The following SLC2A5 variants were observed in gnomAD, a reference collection of about 807,000 sequenced individuals.
SLC2A5 encodes solute carrier family 2 member 5, also known as solute carrier family 2, facilitated glucose transporter member 5.
SLC2A5 carries 56 observed loss-of-function variants against 50.3 expected under a neutral mutation model. The ratio of observed to expected loss-of-function variants is 1.11; its 90% CI spans 0.90 to 1.39. The LOEUF is 1.39. Among genes scored for constraint, SLC2A5 ranks in the 40% most tolerant of loss-of-function variants. SLC2A5 has a pLI of 0.00. For synonymous variants in SLC2A5, 269 were observed against 281.9 expected (o/e 0.95, Z 0.46); for missense variants, 566 against 650.1 (o/e 0.87, Z 1.41).
In SLC2A5 at chr1:9,036,419, C is replaced by G. The variant is rs1232210951; in HGVS notation, c.*1167G>C. The G allele has an allele frequency of 6.6e-6, 1 of 152,182 alleles. No homozygotes were observed. Among genetic ancestry groups the G allele is most frequent in the African/African-American group, 2.4e-5 (1 of 41,424 alleles). The allele number at this position is 152,182 out of a possible 1,614,324, so 9.4% of individuals were successfully genotyped here. On this transcript the variant is annotated 3_prime_UTR_variant, in exon 12 of 12. Coordinates refer to ENST00000377424, the MANE Select transcript of SLC2A5 (RefSeq NM_003039.3). Reference sequence around the variant, plus strand: ...GTGCAATTTCAGCTCACTGCAACCTCTACTTCCCAGGCTTAAGCAATCCTC... The same window carrying G: ...GTGCAATTTCAGCTCACTGCAACCTGTACTTCCCAGGCTTAAGCAATCCTC...
Position 9,057,580 on chromosome 1 carries a change from T to C in SLC2A5, c.161A>G (p.Tyr54Cys). The change falls in exon 3 of 12, where the codon TAC (tyrosine) becomes TGC (cysteine). Residue 54 changes from tyrosine (Y) to cysteine (C), a missense_variant. By Grantham distance (194) the Tyr-to-Cys change is radical. Coordinates refer to ENST00000377424, the MANE Select transcript of SLC2A5 (RefSeq NM_003039.3). ...CATGAATTCACCGGTCCTACCATAG[T>C]AAGTCTCATTGTAAAATTGTTGCAT... is the stretch of plus-strand genomic sequence containing the variant. ...LLMQQFYNET[Y>C]YGRTGEFMED... 3 of 1,613,288 alleles carry C rather than the reference T, an allele frequency of 1.9e-6. No individual in the cohort carries two copies. Among genetic ancestry groups the C allele is most frequent in the Non-Finnish European group, 2.5e-6 (3 of 1,179,700 alleles).
intron 2 of SLC2A5, among the ~76,000 whole-genome samples, chr1:9,075,147 C>A (rs1018345650): frequency 2.6e-5 from 4 of 152,110 alleles, no homozygotes; most frequent in African/African-American, 9.7e-5. Context: ...TATAAATCTG[C>A]CTCTCTTCAT....
At chr1:9,043,777 A>G (rs1335896534) in intron 4 of SLC2A5, among the ~76,000 whole-genome samples, 1 of 149,960 alleles carries the variant, frequency 6.7e-6, no homozygotes, top group African/African-American at 2.5e-5. Context: ...GCTGGAGTGC[A>G]GTGGTGCGAT....
chr1:9,072,563 A>C (rs1327033165), upstream of SLC2A5, among the ~76,000 whole-genome samples: 2 of 152,122 alleles, frequency 1.3e-5, no homozygotes, highest in African/African-American at 2.4e-5. Context: ...AGAAGACAGA[A>C]GTAGATACAC....
At chr1:9,046,582 A>G (rs1641438800) in intron 4 of SLC2A5, among the ~76,000 whole-genome samples, 1 of 152,126 alleles carries the variant, frequency 6.6e-6, no homozygotes. Context: ...TGGAATTCAT[A>G]CATTAGATTG....
At chr1:9,079,338 G>C (rs1335329932) in intron 2 of SLC2A5, among the ~76,000 whole-genome samples, 1 of 148,426 alleles carries the variant, frequency 6.7e-6, no homozygotes, top group Non-Finnish European at 1.5e-5. Context: ...TCGCCTATCA[G>C]AGAGTGCACG....
In SLC2A5 at chr1:9,081,913, C is replaced by T. The variant is rs1449451015; in HGVS notation, c.-59+3101G>A. Among the ~76,000 whole-genome samples, 3 of 152,010 alleles carry T rather than the reference C, an allele frequency of 2.0e-5. No homozygotes were observed. The East Asian group carries it at 5.8e-4, about 29-fold the overall frequency. Reference sequence around the variant, plus strand: ...CCTGAACAACATGGCAAAACCCCACCTCTACTAAAAATACAAAAATTAGTC... The same window carrying T: ...CCTGAACAACATGGCAAAACCCCACTTCTACTAAAAATACAAAAATTAGTC... On this transcript the variant is annotated intron_variant, in intron 2 of 5. Coordinates refer to the SLC2A5 transcript ENST00000464985.
chr1:9,078,972 T>G (rs1269618966), intron 2 of SLC2A5, among the ~76,000 whole-genome samples: 3 of 152,172 alleles, frequency 2.0e-5, no homozygotes, highest in Non-Finnish European at 4.4e-5. Context: ...GTATCTCGTC[T>G]GGGGAAGGGA....
At chr1:9,060,593 A>C in intron 1 of SLC2A5, among the ~76,000 whole-genome samples, 1 of 66,962 alleles carries the variant, frequency 1.5e-5, no homozygotes, top group Non-Finnish European at 3.2e-5. Context: ...CCCCACACAC[A>C]TAGGCAGAAA....
the SLC2A5 span, among the ~76,000 whole-genome samples, chr1:9,093,845 AC>A: frequency 6.6e-6 from 1 of 152,098 alleles, no homozygotes; most frequent in African/African-American, 2.4e-5. Flanking sequence ...TGACCTTTTA[AC>A]AGGAAACATA....
chr1:9,043,924 G>A (rs1265439850), intron 4 of SLC2A5, among the ~76,000 whole-genome samples: 1 of 150,728 alleles, frequency 6.6e-6, no homozygotes, highest in Non-Finnish European at 1.5e-5. Flanking sequence ...GTTTCACCAT[G>A]TTGGCAAGGC....
intron 8 of SLC2A5, among the ~76,000 whole-genome samples, 191 bp downstream of exon 8, chr1:9,039,361 G>T (rs922580255): frequency 3.9e-5 from 6 of 152,210 alleles, no homozygotes; most frequent in Non-Finnish European, 8.8e-5. Flanking sequence ...GGTGGCCCCG[G>T]GCCCGGTGCG....
chr1:9,068,664 C>A (rs1642145580), intron 1 of SLC2A5, among the ~76,000 whole-genome samples: 1 of 152,012 alleles, frequency 6.6e-6, no homozygotes, highest in Non-Finnish European at 1.5e-5. Context: ...GTTGGCCAGG[C>A]TGGTCTCGAA....
intron 3 of SLC2A5, among the ~76,000 whole-genome samples, chr1:9,057,011 G>T (rs1315122606): frequency 6.6e-6 from 1 of 152,182 alleles, no homozygotes; most frequent in Non-Finnish European, 1.5e-5. Flanking sequence ...AAAATGACCG[G>T]CCAGGCGCAG....
At position 9,037,161 on chromosome 1, in the gene SLC2A5, C is replaced by G. The variant is rs1292875165; in HGVS notation, c.*425G>C. 2 of 200,850 alleles carry G rather than the reference C, an allele frequency of 1.0e-5. No homozygotes were observed. Among genetic ancestry groups the G allele is most frequent in the East Asian group, 2.5e-4 (2 of 8,052 alleles). The allele number at this position is 200,850 out of a possible 1,614,324, so 12.4% of individuals were successfully genotyped here. ...GATGAATTTGGCTCTAAACAAATGC[C>G]CATGGCCCCGGAAGACCTGTCGGGG... On this transcript the variant is annotated 3_prime_UTR_variant, in exon 12 of 12. Transcript: ENST00000377424.
At chr1:9,088,464 C>T (rs549102734), upstream of SLC2A5, 439 of 152,500 alleles carry the variant, frequency 2.9e-3, 1 homozygote, top group African/African-American at 0.01. Context: ...CACTCTCCCC[C>T]ACATTCTTCA....
rs1027682648 is a variant in SLC2A5 at position 9,052,971 on chromosome 1, A to AT, written c.293+4476_293+4477insA. ...ACAGAGTAAGACCATATTTCAAAAA[A>AT]AAATATATATATATATATGTTTTAA... is the stretch of plus-strand genomic sequence containing the variant. On this transcript the variant is annotated intron_variant, in intron 3 of 11. Coordinates refer to ENST00000377424, the MANE Select transcript of SLC2A5 (RefSeq NM_003039.3). Among the ~76,000 whole-genome samples, 352 of 66,098 alleles carry AT rather than the reference A, an allele frequency of 5.3e-3. 1 individual carries two copies. Among genetic ancestry groups the AT allele is most frequent in the African/African-American group, 0.013 (314 of 24,606 alleles). The allele number at this position is 66,098 out of a possible 152,430, so 43.4% of individuals were successfully genotyped here. A position where few individuals can be genotyped will look rare whatever the true frequency, so the allele number is the denominator to read the frequency against.
At chr1:9,042,407 ATATG>A (rs2124325148) in intron 4 of SLC2A5, among the ~76,000 whole-genome samples, 2 of 143,456 alleles carry the variant, frequency 1.4e-5, no homozygotes, top group South Asian at 4.5e-4. Context: ...AAAAATATGT[ATATG>A]TGTGTGTGTG....
intron 1 of SLC2A5, 37 bp from the exon 2 acceptor site, chr1:9,058,287 A>G (rs374977640): frequency 1.2e-5 from 17 of 1,424,434 alleles, no homozygotes; most frequent in Non-Finnish European, 1.6e-5. Flanking sequence ...AAGCAGCCCC[A>G]GGGTTCCAGG....
Sources: allele counts gnomAD v4.1 joint callset (sites outside exome capture counted in the v4.1 genomes callset), GRCh38; gene constraint gnomAD v4.1.1; transcripts MANE v1.5; gene names NCBI Gene and HGNC (gene_info 2026-07-23, HGNC 2026-07-21).